The following RFC5 variants were observed in gnomAD, a reference collection of about 807,000 sequenced individuals.
RFC5 encodes A1 36 kDa subunit.
A neutral mutation model predicts 44.3 loss-of-function variants in RFC5; 26 were observed. The observed-to-expected ratio is 0.59, with a 90% CI of 0.43 to 0.81. The LOEUF (loss-of-function observed/expected upper bound fraction) is 0.81, where lower values mean the gene tolerates loss of function less well. Among genes scored for constraint, RFC5 ranks in the 40% least tolerant of loss-of-function variants. The pLI, the probability that RFC5 is intolerant of heterozygous loss-of-function variation, is 0.00. For synonymous variants in RFC5, 155 were observed against 155.2 expected (o/e 1.00, Z 0.01); for missense variants, 328 against 418.6 (o/e 0.78, Z 1.89).
intron 3 of RFC5, among the ~76,000 whole-genome samples, chr12:118,020,654 C>A (rs2030421327): frequency 1.3e-5 from 2 of 152,192 alleles, no homozygotes; most frequent in Non-Finnish European, 2.9e-5. Flanking sequence ...TCAGTGTAAC[C>A]ATACCAATTA....
the RFC5 span, among the ~76,000 whole-genome samples, chr12:118,040,273 T>G: frequency 0.3 from 45,237 of 151,908 alleles, 7,412 homozygotes; most frequent in East Asian, 0.55. Context: ...GCAGCGCCTG[T>G]CAGCTGGGAA....
chr12:118,024,158 G>A (rs1293331785), intron 5 of RFC5, among the ~76,000 whole-genome samples: 2 of 152,104 alleles, frequency 1.3e-5, no homozygotes, highest in African/African-American at 2.4e-5. Flanking sequence ...TGGCTAACAT[G>A]GTGAAACCCC....
At chr12:118,024,700 T>A in intron 5 of RFC5, 151 bp from the exon 6 acceptor site, 1 of 657,620 alleles carries the variant, frequency 1.5e-6, no homozygotes. Context: ...CGTGAGCCAC[T>A]AAGCCACTAC....
At chr12:118,036,830 G>C (rs1238109300), downstream of RFC5, among the ~76,000 whole-genome samples, 1 of 152,198 alleles carries the variant, frequency 6.6e-6, no homozygotes, top group African/African-American at 2.4e-5. Context: ...TTTGCCAATA[G>C]GGTAGTCGTA....
downstream of RFC5, chr12:118,035,092 G>C (rs2031476337): frequency 6.2e-7 from 1 of 1,613,974 alleles, no homozygotes; most frequent in Admixed American, 1.7e-5. Context: ...ATCCTGAGGA[G>C]TCTGGATGGG....
intron 7 of RFC5, among the ~76,000 whole-genome samples, chr12:118,026,514 A>G (rs1313488151): frequency 1.3e-5 from 2 of 152,150 alleles, no homozygotes; most frequent in Admixed American, 1.3e-4. Flanking sequence ...CAGGAGGGTG[A>G]CTTGAGCCTA....
intron 5 of RFC5, among the ~76,000 whole-genome samples, 174 bp downstream of exon 5, chr12:118,022,533 TG>T (rs1356020900): frequency 6.6e-6 from 1 of 151,984 alleles, no homozygotes; most frequent in African/African-American, 2.4e-5. Context: ...GGCGCAATCT[TG>T]GCTCACTGCA....
rs2030372881 is a variant in RFC5, at chr12:118,019,964, A to C, written c.267+196A>C. Among the ~76,000 whole-genome samples the C allele has an allele frequency of 6.6e-6, 1 of 152,168 alleles. No homozygotes were observed. Among genetic ancestry groups the C allele is most frequent in the Admixed American group, 6.5e-5 (1 of 15,284 alleles). On this transcript the variant is annotated intron_variant, in intron 3 of 10. Coordinates refer to ENST00000454402, the MANE Select transcript of RFC5 (RefSeq NM_007370.7). This position sits in a 1 kb window ranked among gnomAD's most constrained non-coding sequence, Gnocchi z 4.2. ...GATTAGCGTTGGTCAGCTAGAGGGCAGTTGTAGGGTTTGGCACCTTTTTCT... is the reference window on the plus strand; with the variant it reads ...GATTAGCGTTGGTCAGCTAGAGGGCCGTTGTAGGGTTTGGCACCTTTTTCT...
At chr12:118,023,676 G>T (rs76436865) in intron 5 of RFC5, among the ~76,000 whole-genome samples, 1 of 151,972 alleles carries the variant, frequency 6.6e-6, no homozygotes, top group Non-Finnish European at 1.5e-5. Flanking sequence ...CTCTTTGTTC[G>T]GGTTATTGCT....
downstream of RFC5, chr12:118,035,089 G>A: frequency 6.2e-7 from 1 of 1,614,166 alleles, no homozygotes; most frequent in Admixed American, 1.7e-5. Flanking sequence ...CAGATCCTGA[G>A]GAGTCTGGAT....
intron 1 of RFC5, chr12:118,017,952 C>T (rs2030210515): frequency 2.9e-6 from 2 of 688,870 alleles, no homozygotes; most frequent in Non-Finnish European, 5.2e-6. Context: ...AATGGAAATC[C>T]TTTACCCATT....
At chr12:118,023,111 A>G (rs1246290039) in intron 5 of RFC5, among the ~76,000 whole-genome samples, 2 of 151,920 alleles carry the variant, frequency 1.3e-5, no homozygotes, top group African/African-American at 2.4e-5. Context: ...CTTTCTACTA[A>G]TGGTACCCTT....
At chr12:118,035,099 T>G (rs2031476593), downstream of RFC5, 1 of 1,613,852 alleles carries the variant, frequency 6.2e-7, no homozygotes, top group African/African-American at 1.3e-5. Context: ...GGAGTCTGGA[T>G]GGGGAGAGAG....
chr12:118,034,463 C>T (rs1357892597), downstream of RFC5: 9 of 1,370,214 alleles, frequency 6.6e-6, no homozygotes, highest in African/African-American at 2.9e-5. Flanking sequence ...CAGGAGACTT[C>T]GGAGAGTGAA....
chr12:118,020,162 C>T (rs2030387235), intron 3 of RFC5, among the ~76,000 whole-genome samples: 1 of 152,200 alleles, frequency 6.6e-6, no homozygotes, highest in Non-Finnish European at 1.5e-5. Flanking sequence ...TGGGTTTGGC[C>T]AATAGGGGCC....
At chr12:118,017,587 A>T in intron 1 of RFC5, 1 of 897,606 alleles carries the variant, frequency 1.1e-6, no homozygotes, top group African/African-American at 1.8e-5. Flanking sequence ...GCAAGTTGTC[A>T]TTGTCTAGTA....
rs2031351474 is a variant in RFC5 at position 118,032,037 on chromosome 12, T to A, written c.*759T>A. ...CTGGGACTTTTGTACAAATTTCACA[T>A]TTATTTTACAGCAATCATGCTGCAT... On this transcript the variant is annotated 3_prime_UTR_variant, in exon 11 of 11. Coordinates refer to ENST00000454402, the MANE Select transcript of RFC5 (RefSeq NM_007370.7). 6.6e-6 allele frequency: 1 copy of A among 152,208 alleles called. No homozygotes were observed. Among genetic ancestry groups the A allele is most frequent in the African/African-American group, 2.4e-5 (1 of 41,456 alleles). The allele number at this position is 152,208 out of a possible 1,614,324, so 9.4% of individuals were successfully genotyped here.
At chr12:118,018,268 A>G (rs2030238770) in intron 1 of RFC5, among the ~76,000 whole-genome samples, 1 of 152,188 alleles carries the variant, frequency 6.6e-6, no homozygotes, top group Non-Finnish European at 1.5e-5. Flanking sequence ...GCACTTTGCA[A>G]TAGTAGGTGC....
chr12:118,028,179 CA>C, intron 9 of RFC5, 149 bp downstream of exon 9: 1 of 628,628 alleles, frequency 1.6e-6, no homozygotes, highest in Non-Finnish European at 2.9e-6. Context: ...TCTGTCTTGC[CA>C]CTGTTTAAAA....
Sources: allele counts gnomAD v4.1 joint callset (sites outside exome capture counted in the v4.1 genomes callset), GRCh38; gene constraint gnomAD v4.1.1; non-coding constraint Gnocchi (gnomAD v3.1); transcripts MANE v1.5; gene names NCBI Gene and HGNC (gene_info 2026-07-23, HGNC 2026-07-21).